Variants in C11orf24 observed in about 807,000 individuals in gnomAD.
The protein encoded by C11orf24 is uncharacterized protein C11orf24.
C11orf24 carries 5 observed loss-of-function variants against 7.3 expected under a neutral mutation model. That is an observed-to-expected ratio of 0.69 (90% CI 0.36 to 1.45). C11orf24 has a LOEUF of 1.45. C11orf24 is among the 40% of genes most tolerant of loss of function. The pLI is 0.03. For synonymous variants in C11orf24, 233 were observed against 235.7 expected (o/e 0.99, Z 0.11); for missense variants, 566 against 590.5 (o/e 0.96, Z 0.43).
chr11:68,264,342 C>T (rs1565290776), intron 2 of C11orf24, among the ~76,000 whole-genome samples: 1 of 152,040 alleles, frequency 6.6e-6, no homozygotes, highest in Non-Finnish European at 1.5e-5. Context: ...ATCAATCCAC[C>T]CATTCATCCA....
In C11orf24 at chr11:68,262,797, G is replaced by A. The variant is rs1333509164; in HGVS notation, c.198C>T (p.Thr66=). The change falls in exon 4 of 4, where the codon ACC becomes ACT. Residue 66 remains threonine (T), a synonymous_variant. Transcript: ENST00000304271. ...TGAGGTGGGCTGCCGAAGTCCCTTT[G>A]GTCAATGTGACAGGAGAAGCTGCTG... is the stretch of plus-strand genomic sequence containing the variant. ...TMAAASPVTL[T]KGTSAAHLNS... 6.2e-7 allele frequency: 1 copy of A among 1,614,106 alleles called. No homozygotes were observed. Among genetic ancestry groups the A allele is most frequent in the Non-Finnish European group, 8.5e-7 (1 of 1,180,024 alleles).
chr11:68,265,273 G>A (rs1053411624), intron 2 of C11orf24, among the ~76,000 whole-genome samples: 1 of 152,188 alleles, frequency 6.6e-6, no homozygotes, highest in Admixed American at 6.5e-5. Flanking sequence ...CGGGGCCTTA[G>A]ACAAGAACAG....
rs767276431 is a variant in C11orf24 at position 68,262,888 on chromosome 11, C to A, written c.107G>T (p.Gly36Val). ...RNFVPNKMWK[G>V]LVKRNASVET... is the part of the protein sequence containing the mutation. ...CACAGATGCATTCCTCTTGACTAATCCCTTCCACATTTTGTTAGGGACAAA... is the reference window on the plus strand; with the variant it reads ...CACAGATGCATTCCTCTTGACTAATACCTTCCACATTTTGTTAGGGACAAA... The change falls in exon 4 of 4, where the codon GGA becomes GTA. Residue 36 changes from glycine (G) to valine (V), a missense_variant. Transcript: ENST00000304271. 6.2e-7 allele frequency: 1 copy of A among 1,613,852 alleles called. No individual in the cohort carries two copies. The highest frequency in any genetic ancestry group is 2.2e-5 in the East Asian group (1 of 44,882).
chr11:68,268,634 G>A (rs2098566433), intron 1 of C11orf24, among the ~76,000 whole-genome samples: 2 of 152,222 alleles, frequency 1.3e-5, no homozygotes, highest in African/African-American at 4.8e-5. Flanking sequence ...GGAGGTTGCA[G>A]TGAGCCGAGA....
In C11orf24 at chr11:68,268,816, T is replaced by G. The variant is rs76209412; in HGVS notation, c.-297-565A>C. Among the ~76,000 whole-genome samples the G allele has an allele frequency of 3.0e-3, 453 of 152,312 alleles. 2 individuals carry two copies. The highest frequency in any genetic ancestry group is 5.2e-3 in the Non-Finnish European group (357 of 68,028). On this transcript the variant is annotated intron_variant, in intron 1 of 3. Coordinates refer to ENST00000304271, the MANE Select transcript of C11orf24 (RefSeq NM_022338.4). ...ACAAAGATATTTCTCACAGCATTAT[T>G]TAGAAAGAGTAAAAAACTGGAATAG...
At chr11:68,270,622 C>A (rs911572970) in intron 1 of C11orf24, among the ~76,000 whole-genome samples, 1 of 150,842 alleles carries the variant, frequency 6.6e-6, no homozygotes, top group Admixed American at 6.6e-5. Flanking sequence ...TAACTTAATT[C>A]TTTTTTTCTG....
intron 3 of C11orf24, chr11:68,263,491 T>G: frequency 1.8e-6 from 1 of 570,780 alleles, no homozygotes; most frequent in Non-Finnish European, 3.1e-6. Context: ...AGGGCTCAGC[T>G]GCCTGGTCCT....
At chr11:68,269,111 CT>C (rs147773525) in intron 1 of C11orf24, among the ~76,000 whole-genome samples, 93,499 of 147,664 alleles carry the variant, frequency 0.63, 29,779 homozygotes, top group African/African-American at 0.76. Flanking sequence ...ATCTTTCCTT[CT>C]TTTTTTTTTT....
intron 2 of C11orf24, chr11:68,267,128 TA>T (rs960509655): frequency 2.6e-5 from 4 of 152,352 alleles, no homozygotes; most frequent in African/African-American, 9.6e-5. Context: ...TGTGTCCCAA[TA>T]AAACTTTATT....
chr11:68,264,285 A>G (rs1387835811), intron 2 of C11orf24, among the ~76,000 whole-genome samples: 1 of 152,032 alleles, frequency 6.6e-6, no homozygotes. Context: ...ACCCTGTGAC[A>G]GGTGACTGTG....
At chr11:68,270,999 T>G (rs2098567650) in intron 1 of C11orf24, among the ~76,000 whole-genome samples, 1 of 152,194 alleles carries the variant, frequency 6.6e-6, no homozygotes, top group Non-Finnish European at 1.5e-5. Flanking sequence ...GCTTCCAGGT[T>G]TCTGGAAGTT....
In C11orf24 at chr11:68,261,786, C is replaced by A. The variant is rs754266781; in HGVS notation, c.1209G>T (p.Leu403=). ...TQAVVDKTLL[L]VVLLLGVTLF... is the part of the protein sequence containing the mutation. ...GGGTCACCCCGAGTAACAGCACCAC[C>A]AGAAGGAGAGTTTTGTCTACCACGG... Residue 403 remains leucine (L), a synonymous_variant, in exon 4 of 4, where the codon CTG becomes CTT. Transcript: ENST00000304271. 6.2e-7 allele frequency: 1 copy of A among 1,614,102 alleles called. No individual in the cohort carries two copies. Among genetic ancestry groups the A allele is most frequent in the African/African-American group, 1.3e-5 (1 of 74,942 alleles).
chr11:68,270,487 G>A (rs138952207), intron 1 of C11orf24, among the ~76,000 whole-genome samples: 24 of 151,720 alleles, frequency 1.6e-4, no homozygotes, highest in African/African-American at 5.3e-4. Flanking sequence ...GCGTGGTGCT[G>A]CATGCCTGTA....
At position 68,262,726 on chromosome 11, in the gene C11orf24, C is replaced by T. The variant is rs373014394; in HGVS notation, c.269G>A (p.Ser90Asn). The T allele has an allele frequency of 6.2e-7, 1 of 1,614,198 alleles. No individual in the cohort carries two copies. The highest frequency in any genetic ancestry group is 8.5e-7 in the Non-Finnish European group (1 of 1,180,034). Residue 90 changes from serine to asparagine, a missense_variant, in exon 4 of 4, where the codon AGT becomes AAT. Ser to Asn is a conservative substitution (Grantham distance 46, BLOSUM62 1). Transcript: ENST00000304271. The stretch of plus-strand genomic sequence containing the variant: ...TGCACCTCCTGAAGTTGCTGGTTCA[C>T]TCACATCTGTCCTGCTTGTGTCCTC... The part of the protein sequence containing the change: ...TTEDTSRTDV[S>N]EPATSGGAAD...
intron 1 of C11orf24, among the ~76,000 whole-genome samples, chr11:68,270,820 C>T (rs1485091207): frequency 6.6e-6 from 1 of 152,158 alleles, no homozygotes; most frequent in Admixed American, 6.5e-5. Context: ...CTGCAGGTAC[C>T]TAATCCTGAC....
chr11:68,265,159 G>A, intron 2 of C11orf24, among the ~76,000 whole-genome samples: 1 of 152,222 alleles, frequency 6.6e-6, no homozygotes, highest in East Asian at 1.9e-4. Context: ...AGGGTCAGAG[G>A]CAAGGAAGAG....
chr11:68,264,914 G>C (rs1041119548), intron 2 of C11orf24, among the ~76,000 whole-genome samples: 1 of 151,858 alleles, frequency 6.6e-6, no homozygotes, highest in African/African-American at 2.4e-5. Flanking sequence ...GGAGGAGACA[G>C]TATGCGGGCA....
At chr11:68,269,860 T>C (rs183850988) in intron 1 of C11orf24, among the ~76,000 whole-genome samples, 9 of 152,358 alleles carry the variant, frequency 5.9e-5, no homozygotes, top group Admixed American at 5.9e-4. Context: ...TCCTATGACT[T>C]CATCCCTCTG....
chr11:68,268,558 G>GCGC (rs1173943075), intron 1 of C11orf24, among the ~76,000 whole-genome samples: 27 of 152,320 alleles, frequency 1.8e-4, no homozygotes, highest in African/African-American at 6.3e-4. Context: ...TGGGCGTGGT[G>GCGC]GTGGGCACCT....
Sources: gnomAD v4.1 joint callset for allele counts (sites outside exome capture counted in the v4.1 genomes callset) on GRCh38, gnomAD v4.1.1 for gene constraint, MANE v1.5 for transcripts, NCBI Gene and HGNC (gene_info 2026-07-23, HGNC 2026-07-21) for gene names.